PREX1: variants seen among roughly 807,000 people sequenced by gnomAD.
PREX1 encodes the protein phosphatidylinositol-3,4,5-trisphosphate dependent Rac exchange factor 1.
Under a neutral mutation model 198.3 loss-of-function variants are expected in PREX1, and 41 were observed. The observed-to-expected ratio is 0.21, with a 90% CI of 0.16 to 0.27. The LOEUF is 0.27. Ranked by LOEUF, PREX1 falls within the 10% of genes least tolerant of loss-of-function variation. PREX1 has a pLI of 1.00. For synonymous variants in PREX1, 843 were observed against 887.2 expected, an observed-to-expected ratio of 0.95 and a Z score of 0.89; for missense variants, 1,620 against 2,200.7, an observed-to-expected ratio of 0.74 and a Z score of 5.28.
intron 3 of PREX1, among the ~76,000 whole-genome samples, chr20:48,735,557 G>C (rs1452765179): frequency 6.6e-6 from 1 of 151,848 alleles, no homozygotes; most frequent in Non-Finnish European, 1.5e-5. Flanking sequence ...AAAGTGCCCA[G>C]GTCAGTGCTG....
At chr20:48,869,227 G>A in the PREX1 span, among the ~76,000 whole-genome samples, 1 of 151,918 alleles carries the variant, frequency 6.6e-6, no homozygotes, top group African/African-American at 2.4e-5. Flanking sequence ...TATTTTTACA[G>A]TTGCACAGCT....
chr20:48,826,080 C>G (rs941055455), intron 1 of PREX1, among the ~76,000 whole-genome samples: 1 of 152,024 alleles, frequency 6.6e-6, no homozygotes, highest in African/African-American at 2.4e-5. Flanking sequence ...ACTCTGATCT[C>G]ACACAGCCTC....
chr20:48,836,905 A>C, the PREX1 span, among the ~76,000 whole-genome samples: 2 of 147,188 alleles, frequency 1.4e-5, no homozygotes, highest in Non-Finnish European at 3.0e-5. Context: ...CTGTCTCCAA[A>C]AAAAAAAAAA....
In PREX1 at chr20:48,658,242, G is replaced by A. The variant is rs769210350; in HGVS notation, c.1882-14C>T. 1.2e-6 allele frequency: 2 copies of A among 1,613,280 alleles called. No individual in the cohort carries two copies. The highest frequency in any genetic ancestry group is 1.7e-4 in the Middle Eastern group (1 of 6,056). On this transcript the variant is annotated splice_polypyrimidine_tract_variant and intron_variant, in intron 16 of 39. Transcript: ENST00000371941. ...CTGGGGCAGGATCTGGGGGCCCAGG[G>A]CAGAAGGAACCCGGTCAGGGAGCGA...
At chr20:48,787,474 C>G (rs1472476519) in intron 1 of PREX1, among the ~76,000 whole-genome samples, 2 of 151,974 alleles carry the variant, frequency 1.3e-5, no homozygotes, top group African/African-American at 4.8e-5. Context: ...AAACAGCCCC[C>G]GGCCAGCCGG....
chr20:48,824,382 G>A (rs978498848), intron 1 of PREX1, among the ~76,000 whole-genome samples: 7 of 152,086 alleles, frequency 4.6e-5, no homozygotes, highest in Non-Finnish European at 7.4e-5. Context: ...GGAGTTTAGG[G>A]TGTCAAAAGG....
intron 3 of PREX1, among the ~76,000 whole-genome samples, chr20:48,743,553 T>C (rs2090091970): frequency 6.6e-6 from 1 of 152,238 alleles, no homozygotes; most frequent in Non-Finnish European, 1.5e-5. Context: ...CGCCCCATTG[T>C]GCTCTTATTT....
intron 3 of PREX1, among the ~76,000 whole-genome samples, chr20:48,741,099 C>T (rs181497116): frequency 1.7e-3 from 263 of 152,136 alleles, no homozygotes; most frequent in Middle Eastern, 3.4e-3. Context: ...ACCTCTGCCT[C>T]CCGGGTTCAA....
chr20:48,662,148 C>T (rs967835266), intron 15 of PREX1, among the ~76,000 whole-genome samples: 3 of 152,166 alleles, frequency 2.0e-5, no homozygotes, highest in Non-Finnish European at 4.4e-5. Context: ...TCAGGCCACC[C>T]CTGTTACCTT....
chr20:48,649,135 T>C (rs1489543304), intron 25 of PREX1, among the ~76,000 whole-genome samples, 165 bp downstream of exon 25: 1 of 152,140 alleles, frequency 6.6e-6, no homozygotes, highest in African/African-American at 2.4e-5. Flanking sequence ...GAGGGGGTGC[T>C]ACTGGCAGCT....
intron 13 of PREX1, among the ~76,000 whole-genome samples, chr20:48,677,656 T>C (rs1421410679): frequency 6.6e-6 from 1 of 152,234 alleles, no homozygotes; most frequent in Non-Finnish European, 1.5e-5. Context: ...TCCCTAGGCC[T>C]CTGCTCTCCA....
the PREX1 span, among the ~76,000 whole-genome samples, chr20:48,848,115 G>A: frequency 6.6e-6 from 1 of 152,164 alleles, no homozygotes; most frequent in Non-Finnish European, 1.5e-5. Context: ...CAAATACTTA[G>A]GAGTGGGATA....
intron 1 of PREX1, among the ~76,000 whole-genome samples, chr20:48,811,985 C>G (rs1471914028): frequency 6.6e-6 from 1 of 152,250 alleles, no homozygotes; most frequent in Non-Finnish European, 1.5e-5. Context: ...GACTGAACAG[C>G]TCGGTGCCTC....
At chr20:48,650,758 G>T in intron 23 of PREX1, 136 bp downstream of exon 23, 2 of 1,164,166 alleles carry the variant, frequency 1.7e-6, no homozygotes, top group Non-Finnish European at 2.4e-6. Flanking sequence ...GTCCTTTTCA[G>T]TAATACACAC....
chr20:48,779,309 A>G (rs2090277907), intron 1 of PREX1, among the ~76,000 whole-genome samples: 1 of 152,244 alleles, frequency 6.6e-6, no homozygotes. Context: ...CTATGCTTCT[A>G]CTTAAACGGC....
At chr20:48,793,753 A>G (rs2090348514) in intron 1 of PREX1, among the ~76,000 whole-genome samples, 1 of 152,350 alleles carries the variant, frequency 6.6e-6, no homozygotes, top group East Asian at 1.9e-4. Context: ...CGGGTCCCCA[A>G]GGACCCTACA....
chr20:48,716,455 T>C (rs1298934190), intron 5 of PREX1, among the ~76,000 whole-genome samples: 1 of 152,088 alleles, frequency 6.6e-6, no homozygotes, highest in Non-Finnish European at 1.5e-5. Flanking sequence ...CAAACAAACG[T>C]GGCTAGAGCC....
At chr20:48,794,223 T>C (rs772360982) in intron 1 of PREX1, among the ~76,000 whole-genome samples, 10 of 152,152 alleles carry the variant, frequency 6.6e-5, no homozygotes, top group Non-Finnish European at 1.5e-4. Context: ...CTGCACCTCA[T>C]TCTCAGATGC....
upstream of PREX1, among the ~76,000 whole-genome samples, chr20:48,832,253 ACAT>A (rs1393799828): frequency 6.6e-6 from 1 of 152,190 alleles, no homozygotes; most frequent in African/African-American, 2.4e-5. Flanking sequence ...CGTTTCTGTT[ACAT>A]AAGTTTCACA....
Sources: allele counts gnomAD v4.1 joint callset (sites outside exome capture counted in the v4.1 genomes callset), GRCh38; gene constraint gnomAD v4.1.1; transcripts MANE v1.5; gene names NCBI Gene and HGNC (gene_info 2026-07-23, HGNC 2026-07-21).